CNTNAP2: variants seen among roughly 807,000 people sequenced by gnomAD.
CNTNAP2 encodes the protein contactin-associated protein-like 2.
CNTNAP2 carries 98 observed loss-of-function variants against 155.2 expected under a neutral mutation model. The observed-to-expected ratio is 0.63, with a 90% CI of 0.54 to 0.75. The LOEUF (loss-of-function observed/expected upper bound fraction) is 0.75, where lower values mean the gene tolerates loss of function less well. CNTNAP2 is among the 30% of genes least tolerant of loss of function. CNTNAP2 has a pLI of 0.00. For synonymous variants in CNTNAP2, 651 were observed against 631.2 expected (o/e 1.03, Z -0.47); for missense variants, 1,727 against 1,688.1 (o/e 1.02, Z -0.40).
At chr7:148,022,468 CAAA>C (rs745936599) in intron 15 of CNTNAP2, among the ~76,000 whole-genome samples, 5 of 91,144 alleles carry the variant, frequency 5.5e-5, no homozygotes, top group Non-Finnish European at 1.1e-4. Context: ...GACTCCGTCT[CAAA>C]AAAAAAAAAA....
At chr7:146,137,420 G>A (rs992357222) in intron 1 of CNTNAP2, among the ~76,000 whole-genome samples, 3 of 152,024 alleles carry the variant, frequency 2.0e-5, no homozygotes, top group Non-Finnish European at 2.9e-5. Context: ...AAGCAAGGTG[G>A]AATATTTGCT....
At chr7:148,251,228 C>T (rs1048519377) in intron 20 of CNTNAP2, among the ~76,000 whole-genome samples, 1 of 152,180 alleles carries the variant, frequency 6.6e-6, no homozygotes, top group African/African-American at 2.4e-5. Context: ...CCACTACTCC[C>T]TCAGGTCAAT....
chr7:146,674,578 A>G (rs941762229), intron 1 of CNTNAP2, among the ~76,000 whole-genome samples: 2 of 152,098 alleles, frequency 1.3e-5, no homozygotes, highest in African/African-American at 2.4e-5. Context: ...ATACTGACAA[A>G]AGAGAGATTA....
chr7:146,523,366 A>G (rs960825909), intron 1 of CNTNAP2, among the ~76,000 whole-genome samples: 2 of 152,090 alleles, frequency 1.3e-5, no homozygotes, highest in Non-Finnish European at 2.9e-5. Context: ...AAGACAAAAT[A>G]TGACTCCTTT....
intron 10 of CNTNAP2, among the ~76,000 whole-genome samples, chr7:147,415,560 C>T (rs1797178336): frequency 1.3e-5 from 2 of 152,190 alleles, no homozygotes; most frequent in Admixed American, 6.5e-5. Context: ...CCTTCACCTT[C>T]GGCCATGATT....
At chr7:147,275,078 G>T (rs1462621647) in intron 8 of CNTNAP2, among the ~76,000 whole-genome samples, 1 of 151,998 alleles carries the variant, frequency 6.6e-6, no homozygotes, top group Non-Finnish European at 1.5e-5. Flanking sequence ...AGTATAATTT[G>T]AAATCAGATA....
chr7:147,441,197 T>C (rs1010710532), intron 10 of CNTNAP2, among the ~76,000 whole-genome samples: 1 of 152,020 alleles, frequency 6.6e-6, no homozygotes, highest in African/African-American at 2.4e-5. Flanking sequence ...ACAGCCTGTT[T>C]TTAAGCTCAT....
intron 9 of CNTNAP2, among the ~76,000 whole-genome samples, chr7:147,338,324 T>C (rs1795699436): frequency 7.0e-6 from 1 of 142,384 alleles, no homozygotes; most frequent in Non-Finnish European, 1.5e-5. Context: ...AAACTTGAAA[T>C]TTTTAGCCTA....
At chr7:146,906,295 C>G (rs1344912735) in intron 3 of CNTNAP2, among the ~76,000 whole-genome samples, 2 of 152,232 alleles carry the variant, frequency 1.3e-5, no homozygotes, top group Non-Finnish European at 2.9e-5. Context: ...TGGGTGGAGC[C>G]CACCACAGCT....
At chr7:146,387,045 C>G (rs969102953) in intron 1 of CNTNAP2, among the ~76,000 whole-genome samples, 21 of 152,164 alleles carry the variant, frequency 1.4e-4, no homozygotes, top group Admixed American at 9.2e-4. Context: ...TCACAGTCCC[C>G]ACCCCTACCC....
At chr7:148,009,519 C>T (rs1802036998) in intron 15 of CNTNAP2, among the ~76,000 whole-genome samples, 1 of 152,128 alleles carries the variant, frequency 6.6e-6, no homozygotes, top group Non-Finnish European at 1.5e-5. Context: ...CTTAGTATAG[C>T]ACAGTAACTA....
intron 1 of CNTNAP2, among the ~76,000 whole-genome samples, chr7:146,682,132 A>C (rs763414881): frequency 5.3e-5 from 8 of 152,186 alleles, no homozygotes; most frequent in Non-Finnish European, 1.0e-4. Flanking sequence ...TAAATTTCAC[A>C]TCTATCATTC....
chr7:146,699,532 T>TA (rs1301585442), intron 1 of CNTNAP2, among the ~76,000 whole-genome samples: 3 of 152,182 alleles, frequency 2.0e-5, no homozygotes, highest in Non-Finnish European at 4.4e-5. Flanking sequence ...CTCGGCTTTT[T>TA]ATCCACTTAT....
rs999016408 is a variant in CNTNAP2, at chr7:147,986,008, A to G, written c.2383+8019A>G. Among the ~76,000 whole-genome samples the G allele has an allele frequency of 8.5e-5, 13 of 152,182 alleles. No individual in the cohort carries two copies. In the East Asian group the frequency reaches 1.9e-3, roughly 23 times the overall value. On this transcript the variant is annotated intron_variant, in intron 15 of 23. Transcript: ENST00000361727. Reference sequence around the variant, plus strand: ...GACCCCTCATTTCCTGCTTGGGTACAGCTCTTGCCTCTGCCTTTTCTTTTT... The same window carrying G: ...GACCCCTCATTTCCTGCTTGGGTACGGCTCTTGCCTCTGCCTTTTCTTTTT...
chr7:148,123,996 A>C (rs950767669), intron 16 of CNTNAP2, among the ~76,000 whole-genome samples: 1 of 152,146 alleles, frequency 6.6e-6, no homozygotes, highest in Non-Finnish European at 1.5e-5. Flanking sequence ...AGATCAAGAG[A>C]GGGTGGTTTT....
At chr7:147,018,250 T>C (rs1361183302) in intron 3 of CNTNAP2, among the ~76,000 whole-genome samples, 1 of 152,048 alleles carries the variant, frequency 6.6e-6, no homozygotes, top group Non-Finnish European at 1.5e-5. Context: ...TACAGAATTT[T>C]TCAGTCTGAT....
intron 2 of CNTNAP2, among the ~76,000 whole-genome samples, chr7:146,778,170 T>C (rs1322463204): frequency 6.6e-6 from 1 of 152,222 alleles, no homozygotes; most frequent in African/African-American, 2.4e-5. Context: ...GAGCATTATG[T>C]TGATAAACAT....
intron 4 of CNTNAP2, among the ~76,000 whole-genome samples, chr7:147,094,227 G>A (rs1800474840): frequency 6.6e-6 from 1 of 152,020 alleles, no homozygotes; most frequent in Non-Finnish European, 1.5e-5. Context: ...AGACCTCATC[G>A]GAATGGCCTT....
chr7:147,599,191 C>T (rs921800798), intron 12 of CNTNAP2, among the ~76,000 whole-genome samples: 1 of 151,856 alleles, frequency 6.6e-6, no homozygotes. Context: ...TAAAATGTAC[C>T]ATTGGTCAAG....
Sources: gnomAD v4.1 joint callset for allele counts (sites outside exome capture counted in the v4.1 genomes callset) on GRCh38, gnomAD v4.1.1 for gene constraint, MANE v1.5 for transcripts, NCBI Gene and HGNC (gene_info 2026-07-23, HGNC 2026-07-21) for gene names.